Variants in ARHGAP42 observed in about 807,000 individuals in gnomAD.
ARHGAP42 encodes Rho GTPase activating protein 42.
Under a neutral mutation model 125.0 loss-of-function variants are expected in ARHGAP42, and 63 were observed. The observed-to-expected ratio is 0.50, with a 90% CI of 0.41 to 0.62. ARHGAP42 has a LOEUF of 0.62. ARHGAP42 is among the 20% of genes least tolerant of loss of function. ARHGAP42 has a pLI of 0.00. For synonymous variants in ARHGAP42, 339 were observed against 351.0 expected (o/e 0.97, Z 0.38); for missense variants, 766 against 1,024.2 (o/e 0.75, Z 3.44).
chr11:100,897,447 C>T (rs569901394), intron 4 of ARHGAP42, among the ~76,000 whole-genome samples: 123 of 152,130 alleles, frequency 8.1e-4, no homozygotes, highest in Non-Finnish European at 1.4e-3. Context: ...GCCATTTTCA[C>T]GATATTGATT....
chr11:100,705,013 C>A (rs1005130816), intron 1 of ARHGAP42, among the ~76,000 whole-genome samples: 1,154 of 54,264 alleles, frequency 0.021, 3 homozygotes, highest in Non-Finnish European at 0.028. Flanking sequence ...ACAACAACAA[C>A]AAAAAAAAAA....
intron 6 of ARHGAP42, among the ~76,000 whole-genome samples, chr11:100,923,790 T>G (rs1051536767): frequency 1.3e-5 from 2 of 152,136 alleles, no homozygotes; most frequent in South Asian, 2.1e-4. Context: ...CCAGCTGCTG[T>G]GTTTTTCCTA....
chr11:100,720,320 T>TATGGAATC (rs1164897031), intron 1 of ARHGAP42, among the ~76,000 whole-genome samples: 2 of 152,192 alleles, frequency 1.3e-5, no homozygotes, highest in African/African-American at 4.8e-5. Context: ...AAGGTGGGAT[T>TATGGAATC]CCATATGTAA....
At chr11:100,948,899 A>G (rs1371730940) in intron 11 of ARHGAP42, among the ~76,000 whole-genome samples, 1 of 152,086 alleles carries the variant, frequency 6.6e-6, no homozygotes, top group Admixed American at 6.6e-5. Context: ...GTGATGAACA[A>G]GGTTCAGGGT....
At chr11:100,927,322 A>G (rs76803221) in intron 6 of ARHGAP42, among the ~76,000 whole-genome samples, 14,038 of 151,462 alleles carry the variant, frequency 0.093, 931 homozygotes, top group Non-Finnish European at 0.13. Flanking sequence ...TTAATTTAGT[A>G]AAAGTGAAAA....
At chr11:100,838,518 G>T (rs1182677054) in intron 3 of ARHGAP42, among the ~76,000 whole-genome samples, 1 of 151,894 alleles carries the variant, frequency 6.6e-6, no homozygotes, top group Non-Finnish European at 1.5e-5. Flanking sequence ...ACTAGCCTGG[G>T]TAATGGTGAG....
At chr11:100,898,544 T>A (rs1297869826) in intron 4 of ARHGAP42, among the ~76,000 whole-genome samples, 1 of 152,224 alleles carries the variant, frequency 6.6e-6, no homozygotes, top group Non-Finnish European at 1.5e-5. Context: ...ATTCAGAGAT[T>A]CATCTTCTTC....
intron 1 of ARHGAP42, among the ~76,000 whole-genome samples, chr11:100,738,236 A>T (rs1050924293): frequency 2.6e-5 from 4 of 152,218 alleles, no homozygotes; most frequent in Non-Finnish European, 5.9e-5. Flanking sequence ...AATTATTTAC[A>T]TATGTTTTCT....
chr11:100,833,754 C>G (rs1864716469), intron 3 of ARHGAP42, among the ~76,000 whole-genome samples: 1 of 152,080 alleles, frequency 6.6e-6, no homozygotes, highest in Non-Finnish European at 1.5e-5. Flanking sequence ...CCCCTGCACC[C>G]ACATAGTACA....
chr11:100,884,155 A>G (rs1186362695), intron 4 of ARHGAP42, among the ~76,000 whole-genome samples: 1 of 152,128 alleles, frequency 6.6e-6, no homozygotes, highest in East Asian at 1.9e-4. Context: ...TTCTCTGTGT[A>G]GTTTCATAAC....
intron 3 of ARHGAP42, among the ~76,000 whole-genome samples, chr11:100,857,985 C>G (rs1865360064): frequency 6.6e-6 from 1 of 151,876 alleles, no homozygotes; most frequent in Non-Finnish European, 1.5e-5. Context: ...GCTATTACTC[C>G]AAGTTACACT....
At chr11:100,758,216 T>G (rs1389276265) in intron 1 of ARHGAP42, among the ~76,000 whole-genome samples, 3 of 152,174 alleles carry the variant, frequency 2.0e-5, no homozygotes, top group African/African-American at 7.2e-5. Flanking sequence ...TTTTGGAGGT[T>G]TGTGTGAATG....
chr11:100,773,575 G>C (rs1863033087), intron 2 of ARHGAP42, among the ~76,000 whole-genome samples: 1 of 152,154 alleles, frequency 6.6e-6, no homozygotes, highest in African/African-American at 2.4e-5. Flanking sequence ...TTACTTAAAA[G>C]ACATCTTGAA....
chr11:100,730,172 G>A (rs1454824851), intron 1 of ARHGAP42, among the ~76,000 whole-genome samples: 2 of 152,044 alleles, frequency 1.3e-5, no homozygotes, highest in African/African-American at 2.4e-5. Context: ...TTTAAGGAAA[G>A]TTTGATGTAC....
intron 5 of ARHGAP42, among the ~76,000 whole-genome samples, chr11:100,913,773 C>G (rs1866991570): frequency 6.6e-6 from 1 of 151,722 alleles, no homozygotes; most frequent in Admixed American, 6.6e-5. Context: ...AAGGTTGAAA[C>G]AAGATCTTTC....
At chr11:100,978,486 G>A (rs746348485) in intron 21 of ARHGAP42, among the ~76,000 whole-genome samples, 3 of 152,026 alleles carry the variant, frequency 2.0e-5, no homozygotes, top group Admixed American at 6.6e-5. Context: ...CTACAGATTT[G>A]TTTATTGGCC....
At chr11:100,713,022 C>T (rs1480851736) in intron 1 of ARHGAP42, among the ~76,000 whole-genome samples, 1 of 152,126 alleles carries the variant, frequency 6.6e-6, no homozygotes, top group African/African-American at 2.4e-5. Flanking sequence ...TCTGGGTTGT[C>T]TTACTTGGTT....
chr11:100,916,040 C>T (rs1045763868), intron 5 of ARHGAP42, among the ~76,000 whole-genome samples: 1 of 152,186 alleles, frequency 6.6e-6, no homozygotes, highest in Non-Finnish European at 1.5e-5. Context: ...CCTACCTGCA[C>T]AGCTGACTCC....
rs934748837 is a variant in ARHGAP42, at chr11:100,988,845, C to T, written c.*44C>T. 1.8e-5 allele frequency: 25 copies of T among 1,380,668 alleles called. No individual in the cohort carries two copies. Among genetic ancestry groups the T allele is most frequent in the South Asian group, 1.1e-4 (9 of 78,506 alleles). The allele number at this position is 1,380,668 out of a possible 1,614,324, so 85.5% of individuals were successfully genotyped here. ...AGTATCTTCATGGTATCCATGGTAACGAATAAATGCTATGATTTTATCTGA... is the reference window on the plus strand; with the variant it reads ...AGTATCTTCATGGTATCCATGGTAATGAATAAATGCTATGATTTTATCTGA... On this transcript the variant is annotated 3_prime_UTR_variant, in exon 24 of 24. Coordinates refer to ENST00000298815, the MANE Select transcript of ARHGAP42 (RefSeq NM_152432.4).
Sources: gnomAD v4.1 joint callset for allele counts (sites outside exome capture counted in the v4.1 genomes callset) on GRCh38, gnomAD v4.1.1 for gene constraint, MANE v1.5 for transcripts, NCBI Gene and HGNC (gene_info 2026-07-23, HGNC 2026-07-21) for gene names.